The following PIP4P2 variants were observed in gnomAD, a reference collection of about 807,000 sequenced individuals.
PIP4P2 encodes type 2 phosphatidylinositol 4,5-bisphosphate 4-phosphatase.
In PIP4P2, 19 loss-of-function variants were observed where a neutral mutation model predicts 33.3. The observed-to-expected ratio is 0.57, with a 90% CI of 0.40 to 0.84. PIP4P2 has a LOEUF of 0.84. Ranked by LOEUF, PIP4P2 falls within the 40% of genes least tolerant of loss-of-function variation. The probability of loss-of-function intolerance (pLI) is 0.00; values close to 1 mark genes in which losing one functional copy is unlikely to be tolerated. For missense variants in PIP4P2, 270 were observed against 324.7 expected (o/e 0.83, Z 1.29); for synonymous variants, 110 against 111.9 (o/e 0.98, Z 0.11).
At chr8:91,013,478 A>G (rs1462244119) in intron 4 of PIP4P2, among the ~76,000 whole-genome samples, 1 of 152,176 alleles carries the variant, frequency 6.6e-6, no homozygotes, top group Non-Finnish European at 1.5e-5. Context: ...TAGTTAATTC[A>G]TTTAATATCT....
At chr8:91,020,296 T>G in intron 2 of PIP4P2, 33 bp from the exon 3 acceptor site, 10 of 1,584,454 alleles carry the variant, frequency 6.3e-6, no homozygotes, top group Non-Finnish European at 8.7e-6. Context: ...AACACAGCAA[T>G]TAACCAAAGT....
intron 1 of PIP4P2, among the ~76,000 whole-genome samples, chr8:91,039,266 T>C (rs76492825): frequency 0.05 from 7,680 of 152,316 alleles, 256 homozygotes; most frequent in Middle Eastern, 0.16. Context: ...GGAAATTCTC[T>C]TGCCTGGTGT....
At chr8:90,999,065 C>T (rs1410478494) in intron 5 of PIP4P2, among the ~76,000 whole-genome samples, 1 of 150,920 alleles carries the variant, frequency 6.6e-6, no homozygotes, top group Non-Finnish European at 1.5e-5. Flanking sequence ...AGAACTTAAA[C>T]AAGAAAAAAA....
rs537714546 is a variant in PIP4P2, at chr8:91,036,047, C to A, written c.106+4597G>T. Reference sequence around the variant, plus strand: ...AAACAAAACCAAAAAAACTGGAGGCCTCTGGCCTGAAGGCTTTAATCACTA... The same window carrying A: ...AAACAAAACCAAAAAAACTGGAGGCATCTGGCCTGAAGGCTTTAATCACTA... On this transcript the variant is annotated intron_variant, in intron 1 of 6. Transcript: ENST00000285419. Among the ~76,000 whole-genome samples the A allele has an allele frequency of 6.6e-5, 10 of 152,088 alleles. No individual in the cohort carries two copies. The South Asian group carries it at 1.9e-3, about 28-fold the overall frequency.
Position 91,018,952 on chromosome 8 carries a change from C to T in PIP4P2, c.363-439G>A, listed in dbSNP as rs376576149. ...CTGAGCAGTGTGATATTCCTTGATG[C>T]GTATTTAATCAGAGATGAAAAGAAA... On this transcript the variant is annotated intron_variant, in intron 3 of 6. Coordinates refer to ENST00000285419, the MANE Select transcript of PIP4P2 (RefSeq NM_018710.3). Among the ~76,000 whole-genome samples the T allele has an allele frequency of 2.2e-4, 33 of 152,076 alleles. No homozygotes were observed. In the East Asian group the frequency reaches 4.5e-3, roughly 21 times the overall value.
intron 1 of PIP4P2, among the ~76,000 whole-genome samples, chr8:91,040,403 CCACCACCACCACCAT>C (rs1428743256): frequency 2.7e-5 from 3 of 112,948 alleles, no homozygotes; most frequent in South Asian, 3.6e-4. Flanking sequence ...ATCACCACCA[CCACCACCACCACCAT>C]CACCACCACC....
intron 5 of PIP4P2, among the ~76,000 whole-genome samples, chr8:91,000,093 T>C (rs1344255709): frequency 1.3e-5 from 2 of 152,050 alleles, no homozygotes; most frequent in South Asian, 2.1e-4. Flanking sequence ...TTAACTTTCA[T>C]ATGTTTTAAA....
At position 90,994,417 on chromosome 8, in the gene PIP4P2, A is replaced by G. The variant is rs1204660838; in HGVS notation, c.*1260T>C. The G allele has an allele frequency of 6.6e-6, 1 of 152,198 alleles. No individual in the cohort carries two copies. The highest frequency in any genetic ancestry group is 1.5e-5 in the Non-Finnish European group (1 of 67,962). The allele number at this position is 152,198 out of a possible 1,614,324, so 9.4% of individuals were successfully genotyped here. A position where few individuals can be genotyped will look rare whatever the true frequency, so the allele number is the denominator to read the frequency against. ...TGAGTACGTTTTTATACTAATCAGT[A>G]TCATAAATAATTTAAAATATTAGTC... On this transcript the variant is annotated 3_prime_UTR_variant, in exon 7 of 7. Transcript: ENST00000285419.
At chr8:91,011,406 G>T (rs1440337719) in intron 4 of PIP4P2, among the ~76,000 whole-genome samples, 1 of 151,954 alleles carries the variant, frequency 6.6e-6, no homozygotes, top group Non-Finnish European at 1.5e-5. Context: ...CTAGCTAAAG[G>T]CTTTATAAGT....
chr8:91,022,766 T>C (rs1003298609), intron 1 of PIP4P2, among the ~76,000 whole-genome samples: 9 of 152,174 alleles, frequency 5.9e-5, no homozygotes, highest in South Asian at 2.1e-4. Context: ...GGTTATAATA[T>C]AGGATTTTTT....
At chr8:91,039,891 G>A (rs1037995214) in intron 1 of PIP4P2, among the ~76,000 whole-genome samples, 1 of 151,816 alleles carries the variant, frequency 6.6e-6, no homozygotes, top group Non-Finnish European at 1.5e-5. Context: ...TTCTTCTTGA[G>A]AAAAAAATAG....
intron 4 of PIP4P2, among the ~76,000 whole-genome samples, chr8:91,017,165 A>G (rs1811926037): frequency 6.6e-6 from 1 of 152,192 alleles, no homozygotes. Context: ...AAATTGCTTA[A>G]TCAAATAGAA....
At chr8:90,999,139 G>A (rs1033263997) in intron 5 of PIP4P2, among the ~76,000 whole-genome samples, 8 of 151,994 alleles carry the variant, frequency 5.3e-5, no homozygotes, top group Non-Finnish European at 1.0e-4. Flanking sequence ...AGATATACAT[G>A]CAGCCAACAA....
At chr8:91,019,397 A>G (rs1811967678) in intron 3 of PIP4P2, among the ~76,000 whole-genome samples, 1 of 79,372 alleles carries the variant, frequency 1.3e-5, no homozygotes, top group Non-Finnish European at 3.6e-5. Context: ...TGTCTCTACA[A>G]AAAAAAAAAA....
intron 5 of PIP4P2, among the ~76,000 whole-genome samples, chr8:91,001,193 T>C (rs1017874449): frequency 1.2e-4 from 19 of 152,116 alleles, no homozygotes; most frequent in African/African-American, 4.3e-4. Context: ...CAAATTATAA[T>C]ACAATATTAT....
intron 4 of PIP4P2, among the ~76,000 whole-genome samples, chr8:91,016,084 A>G (rs1811910860): frequency 1.3e-5 from 2 of 152,330 alleles, no homozygotes; most frequent in South Asian, 4.1e-4. Context: ...AAAAGTTACT[A>G]TTTACTCCTA....
chr8:91,038,985 C>A (rs1339431114), intron 1 of PIP4P2, among the ~76,000 whole-genome samples: 1 of 152,038 alleles, frequency 6.6e-6, no homozygotes, highest in Non-Finnish European at 1.5e-5. Flanking sequence ...TTAGGTTAAA[C>A]AAATATATGG....
Position 91,040,771 on chromosome 8 carries a change from T to C in PIP4P2, c.-22A>G, listed in dbSNP as rs536658854. The C allele has an allele frequency of 5.0e-6, 8 of 1,608,394 alleles. No individual in the cohort carries two copies. The African/African-American group carries it at 9.4e-5, about 19-fold the overall frequency. On this transcript the variant is annotated 5_prime_UTR_variant, in exon 1 of 7. Coordinates refer to ENST00000285419, the MANE Select transcript of PIP4P2 (RefSeq NM_018710.3). ...CCATGACTGCGGCAGCGGCGGGGCC[T>C]GGGGAGGCCGAGCCGGGGTTGCGGC...
intron 4 of PIP4P2, among the ~76,000 whole-genome samples, chr8:91,015,888 C>T (rs1366296282): frequency 1.3e-5 from 2 of 152,194 alleles, no homozygotes; most frequent in African/African-American, 4.8e-5. Flanking sequence ...AAGGTAAAAA[C>T]ACCTTCAAAT....
Sources: gnomAD v4.1 joint callset for allele counts (sites outside exome capture counted in the v4.1 genomes callset) on GRCh38, gnomAD v4.1.1 for gene constraint, MANE v1.5 for transcripts, NCBI Gene and HGNC (gene_info 2026-07-23, HGNC 2026-07-21) for gene names.